Variants in FKBP15 observed in about 807,000 individuals in gnomAD.
FKBP15 encodes FKBP prolyl isomerase family member 15.
In FKBP15, 106 loss-of-function variants were observed where a neutral mutation model predicts 158.1. The ratio of observed to expected loss-of-function variants is 0.67; its 90% CI spans 0.57 to 0.79. The LOEUF (loss-of-function observed/expected upper bound fraction) is 0.79, where lower values mean the gene tolerates loss of function less well. Ranked by LOEUF, FKBP15 falls within the 30% of genes least tolerant of loss-of-function variation. The pLI, the probability that FKBP15 is intolerant of heterozygous loss-of-function variation, is 0.00. For missense variants in FKBP15, 1,287 were observed against 1,479.1 expected (o/e 0.87, Z 2.13); for synonymous variants, 547 against 548.6 (o/e 1.00, Z 0.04).
At chr9:113,216,883 T>A (rs1455245593) in intron 1 of FKBP15, among the ~76,000 whole-genome samples, 1 of 151,750 alleles carries the variant, frequency 6.6e-6, no homozygotes, top group Non-Finnish European at 1.5e-5. Context: ...ACCTAATTAG[T>A]TTTCAGATTA....
intron 2 of FKBP15, among the ~76,000 whole-genome samples, chr9:113,211,269 C>T (rs956301114): frequency 9.9e-5 from 15 of 152,190 alleles, no homozygotes; most frequent in Admixed American, 3.9e-4. Context: ...AGAGATCCTC[C>T]GGCCTCAGCC....
At position 113,178,614 on chromosome 9, in the gene FKBP15, C is replaced by T. The variant is rs1048439232; in HGVS notation, c.2086+16G>A. 1 of 1,581,588 alleles carries T rather than the reference C, an allele frequency of 6.3e-7. No individual in the cohort carries two copies. Among genetic ancestry groups the T allele is most frequent in the Non-Finnish European group, 8.6e-7 (1 of 1,164,136 alleles). ...TTAAATGGCAACAATCCCAGCATCC[C>T]CCACCTAGCACATACCTGAGAGCTT... On this transcript the variant is annotated intron_variant, in intron 20 of 27. Transcript: ENST00000238256.
chr9:113,162,625 A>C lies in FKBP15; in HGVS notation c.*3453T>G. The C allele has an allele frequency of 5.8e-6, 5 of 869,090 alleles. No individual in the cohort carries two copies. Among genetic ancestry groups the C allele is most frequent in the Non-Finnish European group, 7.0e-6 (4 of 567,932 alleles). 53.8% of individuals were successfully genotyped at this position (869,090 alleles called of 1,614,324 possible). On this transcript the variant is annotated 3_prime_UTR_variant, in exon 28 of 28. Transcript: ENST00000238256. ...GCAGAAAGAAATCACTCCTGGGTTA[A>C]GCATACAAGTTATAAATCAATCGGG... is the stretch of plus-strand genomic sequence containing the variant.
At chr9:113,173,635 C>T in intron 22 of FKBP15, 30 bp from the exon 23 acceptor site, 1 of 1,601,790 alleles carries the variant, frequency 6.2e-7, no homozygotes, top group Non-Finnish European at 8.5e-7. Context: ...ACCATATCAT[C>T]CTTGGGGGTG....
chr9:113,176,367 C>G (rs185447701), intron 21 of FKBP15, among the ~76,000 whole-genome samples, 170 bp downstream of exon 21: 1 of 152,290 alleles, frequency 6.6e-6, no homozygotes, highest in East Asian at 1.9e-4. Flanking sequence ...CACTTTATAA[C>G]TGTCACCTTC....
intron 2 of FKBP15, among the ~76,000 whole-genome samples, chr9:113,207,593 C>T (rs932561942): frequency 6.6e-6 from 1 of 152,146 alleles, no homozygotes; most frequent in African/African-American, 2.4e-5. Flanking sequence ...CTGCCTCAGC[C>T]TCCCAAAGTG....
chr9:113,211,583 C>CAGTCCAAA lies in FKBP15; in HGVS notation c.62_63insTTTGGACT (p.Leu21PhefsTer52). Reference sequence around the variant, plus strand: ...CCTGATCCAGTCCAAAAAGTGAGGCCAATCTGGCACTGTTAGTAGAAAATG... The same window carrying CAGTCCAAA: ...CCTGATCCAGTCCAAAAAGTGAGGCCAGTCCAAAAATCTGGCACTGTTAGTAGAAAATG... On this transcript the variant is annotated frameshift_variant, in exon 2 of 28. Coordinates refer to ENST00000238256, the MANE Select transcript of FKBP15 (RefSeq NM_015258.2). LOFTEE classifies it high-confidence loss of function. 1.3e-6 allele frequency: 2 copies of CAGTCCAAA among 1,597,924 alleles called. No individual in the cohort carries two copies. The highest frequency in any genetic ancestry group is 1.7e-6 in the Non-Finnish European group (2 of 1,171,340).
At position 113,217,701 on chromosome 9, in the gene FKBP15, C is replaced by T. The variant is rs559390072; in HGVS notation, c.53+3490G>A. On this transcript the variant is annotated intron_variant, in intron 1 of 27. Transcript: ENST00000238256. ...TACAAAAAATTAAAAATTAGCCAGG[C>T]GTGGTGGCATGCGCCTGTAATCCCA... Among the ~76,000 whole-genome samples, 11 of 151,950 alleles carry T rather than the reference C, an allele frequency of 7.2e-5. No individual in the cohort carries two copies. In the East Asian group the frequency reaches 2.1e-3, roughly 29 times the overall value.
intron 5 of FKBP15, 128 bp from the exon 6 acceptor site, chr9:113,202,757 C>T: frequency 1.2e-6 from 1 of 807,514 alleles, no homozygotes; most frequent in Non-Finnish European, 2.0e-6. Flanking sequence ...GATCTTTCTT[C>T]TTCCCTCTCA....
chr9:113,180,941 C>G (rs1205148913), intron 19 of FKBP15, among the ~76,000 whole-genome samples: 1 of 152,090 alleles, frequency 6.6e-6, no homozygotes, highest in African/African-American at 2.4e-5. Context: ...GACAAAAGGA[C>G]CTTGCCCATC....
chr9:113,203,058 A>AT, intron 4 of FKBP15, 23 bp from the exon 5 acceptor site: 1 of 1,471,560 alleles, frequency 6.8e-7, no homozygotes, highest in Non-Finnish European at 9.2e-7. Context: ...AACGACAGAT[A>AT]GAAAAAAAAA....
At position 113,197,060 on chromosome 9, in the gene FKBP15, G is replaced by A. The variant is rs1010615258; in HGVS notation, c.736C>T (p.Leu246=). Residue 246 remains leucine, a synonymous_variant, in exon 9 of 28, where the codon CTG becomes TTG. Transcript: ENST00000238256. ...CGCTTTCCTCCTTTTTTCATGCCCA[G>A]CATTCCATCCTCCCAGCCCTTTAAA... ...KVIKGWEDGM[L]GMKKGGKRLL... The A allele has an allele frequency of 3.7e-6, 6 of 1,613,720 alleles. 1 individual carries two copies. The Admixed American group carries it at 6.7e-5, about 18-fold the overall frequency.
rs765693536 is a variant in FKBP15, at chr9:113,198,106, A to G, written c.717+749T>C. Among the ~76,000 whole-genome samples, 1 of 152,210 alleles carries G rather than the reference A, an allele frequency of 6.6e-6. No individual in the cohort carries two copies. The highest frequency in any genetic ancestry group is 1.5e-5 in the Non-Finnish European group (1 of 68,030). ...TAATAAAGAAAAAATTCACAACTTG[A>G]ACCCAAGTTCTCGGATTTCAACCCC... On this transcript the variant is annotated intron_variant, in intron 8 of 27. Coordinates refer to ENST00000238256, the MANE Select transcript of FKBP15 (RefSeq NM_015258.2). The surrounding 1 kb of genome is among the most constrained non-coding windows in gnomAD (Gnocchi z 5.2).
intron 9 of FKBP15, among the ~76,000 whole-genome samples, chr9:113,195,693 A>G (rs1158499020): frequency 6.6e-6 from 1 of 152,180 alleles, no homozygotes; most frequent in Non-Finnish European, 1.5e-5. Context: ...ATAGTAACAA[A>G]TCCTATCACA....
chr9:113,201,776 A>G (rs1262667168), intron 6 of FKBP15, among the ~76,000 whole-genome samples: 2 of 152,214 alleles, frequency 1.3e-5, no homozygotes, highest in South Asian at 2.1e-4. Flanking sequence ...GCTTGAACTG[A>G]CAACATGCAT....
intron 17 of FKBP15, 65 bp from the exon 18 acceptor site, chr9:113,183,910 A>C: frequency 8.3e-7 from 1 of 1,206,120 alleles, no homozygotes; most frequent in Non-Finnish European, 1.2e-6. Context: ...ATAGAAGAGA[A>C]TCAACTTGAA....
intron 4 of FKBP15, among the ~76,000 whole-genome samples, chr9:113,204,635 A>G (rs1384536800): frequency 2.6e-5 from 4 of 152,106 alleles, no homozygotes; most frequent in Non-Finnish European, 4.4e-5. Context: ...TCCCACATCA[A>G]TCTTTGCCCT....
rs755855631 is a variant in FKBP15 at position 113,170,575 on chromosome 9, C to T, written c.2713G>A (p.Glu905Lys). Residue 905 changes from glutamate to lysine, a missense_variant, in exon 25 of 28, where the codon GAG (glutamate) becomes AAG (lysine). Coordinates refer to ENST00000238256, the MANE Select transcript of FKBP15 (RefSeq NM_015258.2). Reference sequence around the variant, plus strand: ...ATGGTCCTGCCATTGTAAGATTCCTCCAGCTCAAACTCTCTCCGTAAGGAC... The same window carrying T: ...ATGGTCCTGCCATTGTAAGATTCCTTCAGCTCAAACTCTCTCCGTAAGGAC... Reference protein sequence around the residue: ...FQSLRREFELEESYNGRTILG... With the variant: ...FQSLRREFELKESYNGRTILG... 3.7e-6 allele frequency: 6 copies of T among 1,613,890 alleles called. No individual in the cohort carries two copies. Among genetic ancestry groups the T allele is most frequent in the Admixed American group, 1.7e-5 (1 of 60,026 alleles).
At chr9:113,218,134 C>T (rs539793580) in intron 1 of FKBP15, among the ~76,000 whole-genome samples, 3 of 151,832 alleles carry the variant, frequency 2.0e-5, no homozygotes, top group Non-Finnish European at 4.4e-5. Flanking sequence ...TTTTAATAAA[C>T]AGAGATTCTT....
Sources: gnomAD v4.1 joint callset for allele counts (sites outside exome capture counted in the v4.1 genomes callset) on GRCh38, gnomAD v4.1.1 for gene constraint, Gnocchi (gnomAD v3.1) non-coding constraint, MANE v1.5 for transcripts, NCBI Gene and HGNC (gene_info 2026-07-23, HGNC 2026-07-21) for gene names.